Variants in DGLUCY observed in about 807,000 individuals in gnomAD.
The protein encoded by DGLUCY is D-glutamate cyclase, mitochondrial.
In DGLUCY, 58 loss-of-function variants were observed where a neutral mutation model predicts 58.5. The ratio of observed to expected loss-of-function variants is 0.99; its 90% CI spans 0.80 to 1.23. DGLUCY has a LOEUF of 1.23. DGLUCY is among the 50% of genes most tolerant of loss of function. The probability of loss-of-function intolerance (pLI) is 0.00; values close to 1 mark genes in which losing one functional copy is unlikely to be tolerated. For missense variants in DGLUCY, 779 were observed against 784.7 expected (o/e 0.99, Z 0.09); for synonymous variants, 325 against 314.1 (o/e 1.03, Z -0.37).
At chr14:91,102,421 C>G (rs192049910) in intron 1 of DGLUCY, among the ~76,000 whole-genome samples, 28 of 152,168 alleles carry the variant, frequency 1.8e-4, no homozygotes, top group Non-Finnish European at 3.7e-4. Flanking sequence ...ATCATAATGT[C>G]TAGAATTTTC....
intron 12 of DGLUCY, among the ~76,000 whole-genome samples, chr14:91,207,486 C>T (rs563093916): frequency 6.6e-6 from 1 of 152,224 alleles, no homozygotes; most frequent in African/African-American, 2.4e-5. Context: ...TGAGAATTTC[C>T]CCCATATTAA....
chr14:91,075,072 C>CAA lies in DGLUCY; in HGVS notation c.-82+14383_-82+14384dup, dbSNP rs1163669924. 6.4e-4 allele frequency among the ~76,000 whole-genome samples: 74 copies of CAA among 115,314 alleles called. 1 individual carries two copies. Among genetic ancestry groups the CAA allele is most frequent in the Middle Eastern group, 5.1e-3 (1 of 198 alleles). The allele number at this position is 115,314 out of a possible 152,430, so 75.7% of individuals were successfully genotyped here. ...GGGCAACAAGAGAGAAACTCCGTCT[C>CAA]AAAAAAAAAAAAAAAAGAAGAATTG... On this transcript the variant is annotated intron_variant, in intron 1 of 4. Transcript: ENST00000521334.
chr14:91,224,879 T>C lies in DGLUCY; in HGVS notation c.*46T>C. ...CAGAGTCCCTACCAACGGGCAGGTC[T>C]GCATCCGGGGAGAATGCAGCTGCTT... On this transcript the variant is annotated 3_prime_UTR_variant, in exon 14 of 14. Transcript: ENST00000256324. 1.3e-6 allele frequency: 2 copies of C among 1,538,198 alleles called. No individual in the cohort carries two copies. Among genetic ancestry groups the C allele is most frequent in the African/African-American group, 1.4e-5 (1 of 73,000 alleles).
At chr14:91,197,363 C>T (rs1335572006) in intron 10 of DGLUCY, among the ~76,000 whole-genome samples, 2 of 152,238 alleles carry the variant, frequency 1.3e-5, no homozygotes, top group African/African-American at 2.4e-5. Flanking sequence ...TCTCAGCCTC[C>T]CAAAGTGCTG....
intron 1 of DGLUCY, among the ~76,000 whole-genome samples, chr14:91,131,819 G>A (rs1029874693): frequency 6.6e-6 from 1 of 151,934 alleles, no homozygotes; most frequent in Non-Finnish European, 1.5e-5. Flanking sequence ...ATTTTCAGAC[G>A]GAGTTTCGCT....
At chr14:91,072,034 G>A (rs2043929837) in intron 1 of DGLUCY, among the ~76,000 whole-genome samples, 1 of 151,398 alleles carries the variant, frequency 6.6e-6, no homozygotes, top group Non-Finnish European at 1.5e-5. Flanking sequence ...TCTAAAAAAT[G>A]AACTCCAGCC....
At chr14:91,197,255 C>A (rs2050274636) in intron 10 of DGLUCY, among the ~76,000 whole-genome samples, 1 of 152,214 alleles carries the variant, frequency 6.6e-6, no homozygotes, top group Admixed American at 6.5e-5. Context: ...GCATGAGCCA[C>A]CGCGCCTGGC....
chr14:91,189,130 G>A lies in DGLUCY; in HGVS notation c.1155G>A (p.Trp385Ter). The change falls in exon 9 of 14, where the codon TGG becomes TGA. Residue 385 changes from tryptophan to a stop codon, truncating the protein, a stop_gained. Transcript: ENST00000256324. LOFTEE classifies it high-confidence loss of function. ...EVAIIVDQRA[W>*]NLHQKIVEDA... ...CCATAATCGTTGACCAGAGAGCCTGGAACTTGCACCAGAAGATTGTTGAAG... is the reference window on the plus strand; with the variant it reads ...CCATAATCGTTGACCAGAGAGCCTGAAACTTGCACCAGAAGATTGTTGAAG... 1 of 1,614,226 alleles carries A rather than the reference G, an allele frequency of 6.2e-7. No homozygotes were observed. The highest frequency in any genetic ancestry group is 8.5e-7 in the Non-Finnish European group (1 of 1,180,044).
intron 1 of DGLUCY, among the ~76,000 whole-genome samples, chr14:91,071,006 GA>G (rs1388849540): frequency 1.3e-5 from 2 of 152,110 alleles, no homozygotes; most frequent in African/African-American, 4.8e-5. Context: ...TGTGACTCAT[GA>G]ATTTTATATT....
At chr14:91,182,173 G>GA (rs1186993890) in intron 8 of DGLUCY, among the ~76,000 whole-genome samples, 1 of 150,300 alleles carries the variant, frequency 6.7e-6, no homozygotes, top group African/African-American at 2.4e-5. Flanking sequence ...TAGAGTCGAG[G>GA]TTTCACCATG....
intron 13 of DGLUCY, among the ~76,000 whole-genome samples, chr14:91,217,533 G>A (rs1371184832): frequency 3.4e-5 from 5 of 149,052 alleles, no homozygotes; most frequent in African/African-American, 1.2e-4. Flanking sequence ...CACCCAGGCT[G>A]GAGTATAGTG....
intron 1 of DGLUCY, among the ~76,000 whole-genome samples, chr14:91,131,479 TC>T (rs1187506584): frequency 6.6e-6 from 1 of 152,108 alleles, no homozygotes; most frequent in East Asian, 1.9e-4. Context: ...CTTTTTTTTT[TC>T]TTATACTTCA....
intron 1 of DGLUCY, among the ~76,000 whole-genome samples, chr14:91,102,743 ATGTGTGTGTG>A (rs548653144): frequency 1.4e-4 from 18 of 130,680 alleles, no homozygotes; most frequent in East Asian, 7.1e-4. Context: ...TCCAGTGTGT[ATGTGTGTGTG>A]TGTGTGTGTG....
At position 91,090,587 on chromosome 14, in the gene DGLUCY, C is replaced by T. The variant is rs2044295223; in HGVS notation, c.-82+29883C>T. On this transcript the variant is annotated intron_variant, in intron 1 of 4. Transcript: ENST00000521334. ...TGCCATGGCTCTAGGGGAGCTCTGT[C>T]CTGGTTAGCAAACTAAGAGCCACTA... 3.3e-5 allele frequency among the ~76,000 whole-genome samples: 5 copies of T among 152,084 alleles called. No homozygotes were observed. The South Asian group carries it at 1.0e-3, about 32-fold the overall frequency.
At chr14:91,090,158 A>G (rs1289560819) in intron 1 of DGLUCY, among the ~76,000 whole-genome samples, 1 of 152,112 alleles carries the variant, frequency 6.6e-6, no homozygotes, top group African/African-American at 2.4e-5. Context: ...GCACGCTTTC[A>G]TTGCACCGCC....
At chr14:91,076,197 C>T (rs2140037746) in intron 1 of DGLUCY, among the ~76,000 whole-genome samples, 1 of 151,956 alleles carries the variant, frequency 6.6e-6, no homozygotes, top group East Asian at 1.9e-4. Flanking sequence ...GAAACAAGTA[C>T]AGTCTCCCTC....
At position 91,225,444 on chromosome 14, in the gene DGLUCY, C is replaced by G. The variant is rs1485122949; in HGVS notation, c.*611C>G. The G allele has an allele frequency of 6.6e-6, 1 of 152,282 alleles. No homozygotes were observed. The highest frequency in any genetic ancestry group is 2.4e-5 in the African/African-American group (1 of 41,450). The allele number at this position is 152,282 out of a possible 1,614,324, so 9.4% of individuals were successfully genotyped here. On this transcript the variant is annotated 3_prime_UTR_variant, in exon 14 of 14. Transcript: ENST00000256324. ...GTGAATCCTCCCTTTGTCCAGGGTA[C>G]CCGTGCTGTCTACACCACCCGCCTG...
chr14:91,192,454 C>T (rs1176328486), intron 9 of DGLUCY, among the ~76,000 whole-genome samples: 3 of 152,050 alleles, frequency 2.0e-5, no homozygotes, highest in Admixed American at 2.0e-4. Context: ...ATACTTTATG[C>T]TACTGAACTA....
At chr14:91,206,529 C>T (rs1265824702) in intron 12 of DGLUCY, among the ~76,000 whole-genome samples, 4 of 152,138 alleles carry the variant, frequency 2.6e-5, no homozygotes, top group East Asian at 1.9e-4. Flanking sequence ...ATTACAGGTG[C>T]GCACTACCAT....
Sources: allele counts gnomAD v4.1 joint callset (sites outside exome capture counted in the v4.1 genomes callset), GRCh38; gene constraint gnomAD v4.1.1; transcripts MANE v1.5; gene names NCBI Gene and HGNC (gene_info 2026-07-23, HGNC 2026-07-21).